ADARB2: variants seen among roughly 807,000 people sequenced by gnomAD.
ADARB2 encodes the protein inactive double-stranded RNA-specific editase B2.
Under a neutral mutation model 62.2 loss-of-function variants are expected in ADARB2, and 25 were observed. The ratio of observed to expected loss-of-function variants is 0.40; its 90% CI spans 0.29 to 0.56. The LOEUF (loss-of-function observed/expected upper bound fraction) is 0.56, where lower values mean the gene tolerates loss of function less well. ADARB2 is among the 20% of genes least tolerant of loss of function. The pLI is 0.43. For synonymous variants in ADARB2, 572 were observed against 500.8 expected (o/e 1.14, Z -1.90); for missense variants, 1,071 against 1,077.4 (o/e 0.99, Z 0.08).
At chr10:1,576,371 T>A (rs1427835817) in intron 1 of ADARB2, among the ~76,000 whole-genome samples, 1 of 132,368 alleles carries the variant, frequency 7.6e-6, no homozygotes, top group Non-Finnish European at 1.6e-5. Flanking sequence ...TGGCTTAGGG[T>A]CACAGGAGGG....
intron 1 of ADARB2, among the ~76,000 whole-genome samples, chr10:1,590,145 G>T (rs530480316): frequency 1.3e-5 from 2 of 152,320 alleles, no homozygotes; most frequent in South Asian, 4.1e-4. Context: ...TGCCCATGTG[G>T]TATCATCGCA....
intron 1 of ADARB2, among the ~76,000 whole-genome samples, chr10:1,671,211 G>A (rs1834380916): frequency 6.6e-6 from 1 of 152,154 alleles, no homozygotes; most frequent in African/African-American, 2.4e-5. Flanking sequence ...CACAGCGTCT[G>A]CTCTCATGAT....
At chr10:1,512,528 G>A (rs901518632) in intron 1 of ADARB2, among the ~76,000 whole-genome samples, 4 of 152,226 alleles carry the variant, frequency 2.6e-5, no homozygotes, top group African/African-American at 7.2e-5. Context: ...ATCATCATAT[G>A]CATTTCCTAG....
In ADARB2 at chr10:1,298,120, C is replaced by A. The variant is rs11250390; in HGVS notation, c.1078-27051G>T. Among the ~76,000 whole-genome samples, 87 of 152,308 alleles carry A rather than the reference C, an allele frequency of 5.7e-4. 1 individual carries two copies. In the East Asian group the frequency reaches 0.016, roughly 28 times the overall value. ...TTCTGTCATTTATTCATTTCAGAAACACACACATTGTCTCCATTGTGCCTC... is the reference window on the plus strand; with the variant it reads ...TTCTGTCATTTATTCATTTCAGAAAAACACACATTGTCTCCATTGTGCCTC... On this transcript the variant is annotated intron_variant, in intron 3 of 9. Transcript: ENST00000381312.
At chr10:1,435,397 A>G (rs1830823931) in intron 1 of ADARB2, among the ~76,000 whole-genome samples, 1 of 152,144 alleles carries the variant, frequency 6.6e-6, no homozygotes, top group African/African-American at 2.4e-5. Flanking sequence ...GCTGTGGTAA[A>G]AGACAGGACC....
At position 1,699,262 on chromosome 10, in the gene ADARB2, G is replaced by A. The variant is rs1446233349; in HGVS notation, c.100+37789C>T. 7.8e-5 allele frequency among the ~76,000 whole-genome samples: 7 copies of A among 89,274 alleles called. 1 individual carries two copies. Among genetic ancestry groups the A allele is most frequent in the East Asian group, 6.3e-4 (2 of 3,182 alleles). 58.6% of individuals were successfully genotyped at this position (89,274 alleles called of 152,430 possible). ...CCAATACACTCAATCCCACTCCACC[G>A]GGAGACCGGGCACTCGCCAATACAC... On this transcript the variant is annotated intron_variant, in intron 1 of 9. Coordinates refer to ENST00000381312, the MANE Select transcript of ADARB2 (RefSeq NM_018702.4).
chr10:1,557,748 T>C (rs777101068), intron 1 of ADARB2, among the ~76,000 whole-genome samples: 4 of 151,892 alleles, frequency 2.6e-5, no homozygotes, highest in Non-Finnish European at 4.4e-5. Flanking sequence ...TAATACAAAA[T>C]ACACACACAA....
chr10:1,736,636 G>A (rs914073086), intron 1 of ADARB2, among the ~76,000 whole-genome samples: 16 of 152,220 alleles, frequency 1.1e-4, no homozygotes, highest in African/African-American at 3.4e-4. Context: ...CAGTTTGGAT[G>A]GGAGTAGCTG....
At chr10:1,407,850 G>C (rs531419346) in intron 1 of ADARB2, among the ~76,000 whole-genome samples, 1 of 152,294 alleles carries the variant, frequency 6.6e-6, no homozygotes, top group South Asian at 2.1e-4. Flanking sequence ...ACTGTTCTGT[G>C]GGGGGAACTG....
chr10:1,444,519 C>T (rs1830943809), intron 1 of ADARB2, among the ~76,000 whole-genome samples: 1 of 150,634 alleles, frequency 6.6e-6, no homozygotes, highest in Non-Finnish European at 1.5e-5. Context: ...TCCACCCACT[C>T]ATCCATCCAC....
At chr10:1,319,505 A>G (rs1206154407) in intron 3 of ADARB2, among the ~76,000 whole-genome samples, 1 of 152,224 alleles carries the variant, frequency 6.6e-6, no homozygotes, top group Non-Finnish European at 1.5e-5. Flanking sequence ...AAAATAAAAG[A>G]CATATTCAGA....
chr10:1,737,467 T>C lies in ADARB2; in HGVS notation c.-317A>G. On this transcript the variant is annotated 5_prime_UTR_variant, in exon 1 of 10. Coordinates refer to ENST00000381312, the MANE Select transcript of ADARB2 (RefSeq NM_018702.4). ...GCGGGCTCTGCCTCCTGCTCTGGGCTCCCAGCGCAGGGAGGCTACTTTTGC... is the reference window on the plus strand; with the variant it reads ...GCGGGCTCTGCCTCCTGCTCTGGGCCCCCAGCGCAGGGAGGCTACTTTTGC... The C allele has an allele frequency of 2.8e-6, 1 of 361,516 alleles. No homozygotes were observed. The highest frequency in any genetic ancestry group is 5.1e-6 in the Non-Finnish European group (1 of 196,110). 22.4% of individuals were successfully genotyped at this position (361,516 alleles called of 1,614,324 possible).
chr10:1,273,261 A>T (rs577944718), intron 3 of ADARB2, among the ~76,000 whole-genome samples: 79 of 152,124 alleles, frequency 5.2e-4, no homozygotes, highest in African/African-American at 1.8e-3. Context: ...GTGATTCTTA[A>T]TTTTTTTATT....
intron 1 of ADARB2, among the ~76,000 whole-genome samples, chr10:1,446,690 T>C (rs760243645): frequency 6.6e-6 from 1 of 152,226 alleles, no homozygotes; most frequent in African/African-American, 2.4e-5. Context: ...TTCATACTTT[T>C]TAAAGGAATA....
intron 2 of ADARB2, among the ~76,000 whole-genome samples, chr10:1,375,963 A>ACG (rs60001440): frequency 0.87 from 130,751 of 150,906 alleles, 59,605 homozygotes; most frequent in Non-Finnish European, 1. Flanking sequence ...ACATGCACAC[A>ACG]CACACATGTG....
chr10:1,475,395 A>G (rs1831386087), intron 1 of ADARB2, among the ~76,000 whole-genome samples: 1 of 152,028 alleles, frequency 6.6e-6, no homozygotes, highest in Non-Finnish European at 1.5e-5. Context: ...AGGGGCCTTC[A>G]CTCTCTTGCT....
chr10:1,203,648 A>G (rs953691185), intron 7 of ADARB2, among the ~76,000 whole-genome samples: 4 of 151,098 alleles, frequency 2.6e-5, no homozygotes, highest in African/African-American at 9.7e-5. Flanking sequence ...CAGTGCGGCC[A>G]TCAGCTTTCT....
At chr10:1,636,685 G>T (rs1344281761) in intron 1 of ADARB2, among the ~76,000 whole-genome samples, 2 of 150,378 alleles carry the variant, frequency 1.3e-5, no homozygotes, top group African/African-American at 2.4e-5. Context: ...TATGTAGATA[G>T]ATATCTATCT....
At position 1,562,638 on chromosome 10, in the gene ADARB2, A is replaced by AC. The variant is rs369747659; in HGVS notation, c.100+174412dup. ...GAATATTCCTAAAAAGGAGAATGACACCCCCCTGGTTGGAATACTTCCTGG... is the reference window on the plus strand; with the variant it reads ...GAATATTCCTAAAAAGGAGAATGACACCCCCCCTGGTTGGAATACTTCCTGG... On this transcript the variant is annotated intron_variant, in intron 1 of 9. Transcript: ENST00000381312. 1.8e-3 allele frequency among the ~76,000 whole-genome samples: 273 copies of AC among 152,102 alleles called. 3 individuals carry two copies. Among genetic ancestry groups the AC allele is most frequent in the African/African-American group, 6.4e-3 (265 of 41,490 alleles).
Sources: allele counts gnomAD v4.1 joint callset (sites outside exome capture counted in the v4.1 genomes callset), GRCh38; gene constraint gnomAD v4.1.1; transcripts MANE v1.5; gene names NCBI Gene and HGNC (gene_info 2026-07-23, HGNC 2026-07-21).